Variants in MIPOL1 observed in about 807,000 individuals in gnomAD.
MIPOL1 encodes the protein mirror-image polydactyly 1.
Under a neutral mutation model 60.9 loss-of-function variants are expected in MIPOL1, and 57 were observed. The observed-to-expected ratio is 0.94, with a 90% CI of 0.76 to 1.17. MIPOL1 has a LOEUF of 1.17. MIPOL1 is among the 50% of genes most tolerant of loss of function. MIPOL1 has a pLI of 0.00. For synonymous variants in MIPOL1, 179 were observed against 168.8 expected (o/e 1.06, Z -0.47); for missense variants, 551 against 511.6 (o/e 1.08, Z -0.74).
intron 9 of MIPOL1, among the ~76,000 whole-genome samples, chr14:37,359,051 T>C (rs139570546): frequency 3.3e-5 from 5 of 152,328 alleles, no homozygotes; most frequent in African/African-American, 1.2e-4. Flanking sequence ...TTTCTACATA[T>C]GGCTAGCCAG....
At chr14:37,522,091 A>G (rs2095418339) in intron 12 of MIPOL1, among the ~76,000 whole-genome samples, 1 of 151,686 alleles carries the variant, frequency 6.6e-6, no homozygotes, top group Non-Finnish European at 1.5e-5. Flanking sequence ...GTTTAAAAGT[A>G]TTTATTTTGA....
At chr14:37,303,223 A>G (rs947566899) in intron 7 of MIPOL1, among the ~76,000 whole-genome samples, 9 of 152,058 alleles carry the variant, frequency 5.9e-5, no homozygotes, top group African/African-American at 2.2e-4. Flanking sequence ...TTAGAGGGCT[A>G]GACTACTTGG....
intron 7 of MIPOL1, among the ~76,000 whole-genome samples, chr14:37,295,489 A>G (rs1259559862): frequency 6.6e-6 from 1 of 152,202 alleles, no homozygotes; most frequent in Non-Finnish European, 1.5e-5. Flanking sequence ...TAAATGCTCC[A>G]ATTAAAAGGC....
At chr14:37,274,748 T>C (rs2083525444) in intron 6 of MIPOL1, among the ~76,000 whole-genome samples, 1 of 151,318 alleles carries the variant, frequency 6.6e-6, no homozygotes, top group East Asian at 1.9e-4. Flanking sequence ...GTTGTTGTGA[T>C]GCTTAAGTGA....
chr14:37,338,368 C>A (rs2153460227), intron 9 of MIPOL1, among the ~76,000 whole-genome samples: 1 of 151,418 alleles, frequency 6.6e-6, no homozygotes, highest in African/African-American at 2.4e-5. Context: ...CCTTGGCCTC[C>A]CAAAGTGCTG....
chr14:37,419,164 G>C (rs1450360503), intron 10 of MIPOL1, among the ~76,000 whole-genome samples: 1 of 152,182 alleles, frequency 6.6e-6, no homozygotes, highest in South Asian at 2.1e-4. Flanking sequence ...CTACTCAGTG[G>C]TATAAAAGAA....
chr14:37,528,341 A>G (rs958223592), intron 12 of MIPOL1, among the ~76,000 whole-genome samples: 2 of 152,014 alleles, frequency 1.3e-5, no homozygotes, highest in Non-Finnish European at 2.9e-5. Flanking sequence ...TGATTGTACT[A>G]TAATTTAATT....
At chr14:37,532,880 A>G (rs767459676) in intron 12 of MIPOL1, among the ~76,000 whole-genome samples, 13 of 152,122 alleles carry the variant, frequency 8.5e-5, no homozygotes, top group Non-Finnish European at 1.9e-4. Flanking sequence ...TTATTATTTC[A>G]TAGAGTAGGA....
chr14:37,304,999 T>C (rs1348467095), intron 7 of MIPOL1, among the ~76,000 whole-genome samples: 1 of 151,824 alleles, frequency 6.6e-6, no homozygotes, highest in African/African-American at 2.4e-5. Flanking sequence ...ATTTTAAGTC[T>C]TTATTTAAAT....
chr14:37,308,682 A>G (rs1222721907), intron 9 of MIPOL1, among the ~76,000 whole-genome samples, 163 bp downstream of exon 9: 1 of 152,164 alleles, frequency 6.6e-6, no homozygotes, highest in Non-Finnish European at 1.5e-5. Flanking sequence ...TATGTATTTT[A>G]TTATACTACT....
At chr14:37,310,339 G>C (rs1370907644) in intron 9 of MIPOL1, among the ~76,000 whole-genome samples, 1 of 151,932 alleles carries the variant, frequency 6.6e-6, no homozygotes. Context: ...CTTGCCTTTT[G>C]CTTGTCTATT....
chr14:37,406,617 G>C (rs1485735859), intron 10 of MIPOL1, among the ~76,000 whole-genome samples: 2 of 152,140 alleles, frequency 1.3e-5, no homozygotes, highest in African/African-American at 4.8e-5. Flanking sequence ...TGAAAAAGGA[G>C]AGTGGACTTT....
intron 6 of MIPOL1, among the ~76,000 whole-genome samples, chr14:37,274,947 A>G (rs928807977): frequency 2.0e-5 from 3 of 151,112 alleles, no homozygotes; most frequent in Admixed American, 2.0e-4. Context: ...TAAGTATGGG[A>G]TAGCTATTTA....
chr14:37,257,311 A>C (rs1975127221), intron 3 of MIPOL1, among the ~76,000 whole-genome samples: 1 of 152,054 alleles, frequency 6.6e-6, no homozygotes, highest in Non-Finnish European at 1.5e-5. Context: ...ATGTAAATTT[A>C]TTCTTCTACT....
At chr14:37,238,482 A>G (rs2153338738) in intron 1 of MIPOL1, among the ~76,000 whole-genome samples, 1 of 152,294 alleles carries the variant, frequency 6.6e-6, no homozygotes. Flanking sequence ...AATAGTTATG[A>G]CAGGATAAAT....
chr14:37,366,725 T>C (rs924428185), intron 9 of MIPOL1, among the ~76,000 whole-genome samples: 4 of 152,080 alleles, frequency 2.6e-5, no homozygotes, highest in African/African-American at 4.8e-5. Flanking sequence ...ATGGAAAATA[T>C]GTTCATCTCT....
intron 10 of MIPOL1, among the ~76,000 whole-genome samples, chr14:37,409,825 A>C (rs1257741602): frequency 6.6e-6 from 1 of 152,172 alleles, no homozygotes; most frequent in East Asian, 1.9e-4. Flanking sequence ...GAAGACATAT[A>C]AGTTGGAATA....
intron 1 of MIPOL1, among the ~76,000 whole-genome samples, chr14:37,200,861 T>TGTGC (rs1965160504): frequency 1.3e-5 from 1 of 75,592 alleles, no homozygotes; most frequent in Admixed American, 1.3e-4. Flanking sequence ...TGTGTGTGTG[T>TGTGC]GTGTGTGTGT....
intron 9 of MIPOL1, among the ~76,000 whole-genome samples, chr14:37,347,300 G>A (rs983899366): frequency 1.6e-4 from 24 of 151,854 alleles, no homozygotes; most frequent in African/African-American, 4.1e-4. Flanking sequence ...AAAAAAAGAC[G>A]GACAGAATTG....
Sources: allele counts gnomAD v4.1 joint callset (sites outside exome capture counted in the v4.1 genomes callset), GRCh38; gene constraint gnomAD v4.1.1; transcripts MANE v1.5; gene names NCBI Gene and HGNC (gene_info 2026-07-23, HGNC 2026-07-21).